PACSIN2: variants seen among roughly 807,000 people sequenced by gnomAD.
PACSIN2 encodes the protein protein kinase C and casein kinase substrate in neurons protein 2.
In PACSIN2, 25 loss-of-function variants were observed where a neutral mutation model predicts 63.8. That is an observed-to-expected ratio of 0.39 (90% CI 0.29 to 0.55). The LOEUF is 0.55. Among genes scored for constraint, PACSIN2 ranks in the 20% least tolerant of loss-of-function variants. The pLI is 0.62. For missense variants in PACSIN2, 518 were observed against 646.9 expected, an observed-to-expected ratio of 0.80 and a Z score of 2.16; for synonymous variants, 255 against 256.2, an observed-to-expected ratio of 1.00 and a Z score of 0.05.
Position 42,974,782 on chromosome 22 carries a change from AAGG to A in PACSIN2, c.-78+40236_-78+40238del, listed in dbSNP as rs1000791563. On this transcript the variant is annotated intron_variant, in intron 1 of 10. Coordinates refer to ENST00000263246, the MANE Select transcript of PACSIN2 (RefSeq NM_001184970.3). ...AAAAAAAAAGAAAAGAAAAGAGAAG[AAGG>A]AGGAGGAGGAGGAGGAGAGGAAGAA... 6.8e-3 allele frequency among the ~76,000 whole-genome samples: 976 copies of A among 142,830 alleles called. 8 individuals carry two copies. Among genetic ancestry groups the A allele is most frequent in the African/African-American group, 0.026 (854 of 33,196 alleles). 93.7% of individuals were successfully genotyped at this position (142,830 alleles called of 152,430 possible). A position where few individuals can be genotyped will look rare whatever the true frequency, so the allele number is the denominator to read the frequency against.
intron 1 of PACSIN2, among the ~76,000 whole-genome samples, chr22:42,997,441 C>T (rs1923483089): frequency 6.6e-6 from 1 of 151,888 alleles, no homozygotes; most frequent in African/African-American, 2.4e-5. Flanking sequence ...GCCTGTAGTC[C>T]CAGCTACCTG....
chr22:42,873,845 G>C lies in PACSIN2; in HGVS notation c.1348+2292C>G, dbSNP rs149604212. On this transcript the variant is annotated intron_variant, in intron 10 of 10. Coordinates refer to ENST00000263246, the MANE Select transcript of PACSIN2 (RefSeq NM_001184970.3). ...GTGTCACTCCATCACCCAGGCTGGAGTGCAGTGGTATGATCTCAGCTCACT... is the reference window on the plus strand; with the variant it reads ...GTGTCACTCCATCACCCAGGCTGGACTGCAGTGGTATGATCTCAGCTCACT... 8.4e-3 allele frequency among the ~76,000 whole-genome samples: 1,276 copies of C among 151,532 alleles called. 17 individuals carry two copies. Among genetic ancestry groups the C allele is most frequent in the African/African-American group, 0.03 (1,233 of 41,264 alleles).
intron 1 of PACSIN2, among the ~76,000 whole-genome samples, chr22:42,931,285 C>G (rs1932772841): frequency 6.6e-6 from 1 of 152,252 alleles, no homozygotes. Flanking sequence ...GTTACTTAAC[C>G]TTCCTGAACC....
At chr22:42,968,486 C>T (rs908404790) in intron 1 of PACSIN2, among the ~76,000 whole-genome samples, 2 of 152,060 alleles carry the variant, frequency 1.3e-5, no homozygotes, top group Non-Finnish European at 2.9e-5. Flanking sequence ...GCATTTGAAC[C>T]CTTATTCGAG....
At chr22:42,923,109 G>A (rs1206708892) in intron 1 of PACSIN2, among the ~76,000 whole-genome samples, 2 of 152,162 alleles carry the variant, frequency 1.3e-5, no homozygotes, top group African/African-American at 4.8e-5. Context: ...GACTAATCTG[G>A]CATCATAGAT....
intron 2 of PACSIN2, among the ~76,000 whole-genome samples, chr22:42,905,091 T>G (rs1455346398): frequency 6.6e-6 from 1 of 152,258 alleles, no homozygotes; most frequent in African/African-American, 2.4e-5. Context: ...TATCTTCATC[T>G]ACAGAAATGC....
At chr22:43,009,774 C>A (rs980352878) in intron 1 of PACSIN2, among the ~76,000 whole-genome samples, 1 of 152,114 alleles carries the variant, frequency 6.6e-6, no homozygotes, top group Non-Finnish European at 1.5e-5. Context: ...CATGCACTTT[C>A]CAAAGGTACA....
chr22:42,912,442 C>T (rs1931523496), intron 1 of PACSIN2, among the ~76,000 whole-genome samples: 1 of 152,242 alleles, frequency 6.6e-6, no homozygotes, highest in African/African-American at 2.4e-5. Context: ...CTCTACCTAA[C>T]TGGTAGGGCT....
chr22:42,946,092 A>G (rs900002535), intron 1 of PACSIN2, among the ~76,000 whole-genome samples: 5 of 152,236 alleles, frequency 3.3e-5, no homozygotes, highest in Admixed American at 3.3e-4. Context: ...CTCTGAACAA[A>G]TGCACAAATG....
At chr22:42,907,980 C>T (rs576402576) in intron 2 of PACSIN2, among the ~76,000 whole-genome samples, 1 of 152,218 alleles carries the variant, frequency 6.6e-6, no homozygotes, top group Non-Finnish European at 1.5e-5. Context: ...CTACAGGGAG[C>T]GCCTTCCTGG....
intron 1 of PACSIN2, among the ~76,000 whole-genome samples, chr22:42,926,286 G>A (rs1932529291): frequency 1.3e-5 from 2 of 152,164 alleles, no homozygotes; most frequent in Non-Finnish European, 2.9e-5. Context: ...ATCACACTGA[G>A]GCCTAGAGCT....
In PACSIN2 at chr22:42,877,375, G is replaced by T. The variant is rs1053839178; in HGVS notation, c.1029-365C>A. 4.6e-5 allele frequency among the ~76,000 whole-genome samples: 7 copies of T among 152,154 alleles called. No homozygotes were observed. The South Asian group carries it at 1.0e-3, about 23-fold the overall frequency. ...GACTCCCACCAATGTGAGCTGGGGG[G>T]GTCAAAAAGCCCCTCAGGGTCTCCT... On this transcript the variant is annotated intron_variant, in intron 8 of 10. Transcript: ENST00000263246.
At chr22:42,898,405 G>A (rs944996570) in intron 2 of PACSIN2, among the ~76,000 whole-genome samples, 1 of 151,960 alleles carries the variant, frequency 6.6e-6, no homozygotes, top group Admixed American at 6.6e-5. Flanking sequence ...ACGAGTAGCT[G>A]GGATTACAGA....
chr22:42,910,878 T>C (rs1931405626), intron 2 of PACSIN2, among the ~76,000 whole-genome samples: 2 of 152,052 alleles, frequency 1.3e-5, no homozygotes, highest in African/African-American at 2.4e-5. Context: ...ATCCCTTGCC[T>C]AGCACACTAC....
chr22:42,874,553 C>A (rs1374480624), intron 10 of PACSIN2, among the ~76,000 whole-genome samples: 2 of 152,222 alleles, frequency 1.3e-5, no homozygotes, highest in African/African-American at 4.8e-5. Flanking sequence ...AAGGCCCCAC[C>A]TGGCCCAGGG....
At chr22:42,896,877 A>T (rs1026530765) in intron 2 of PACSIN2, among the ~76,000 whole-genome samples, 1 of 152,242 alleles carries the variant, frequency 6.6e-6, no homozygotes, top group Admixed American at 6.5e-5. Flanking sequence ...AAGTCTAATA[A>T]TACTGAAAAT....
At chr22:42,885,530 C>T (rs1409152400) in intron 5 of PACSIN2, among the ~76,000 whole-genome samples, 11 of 152,144 alleles carry the variant, frequency 7.2e-5, no homozygotes, top group South Asian at 2.1e-4. Context: ...GAGCGCTTCC[C>T]GAGACACTGC....
rs144673224 is a variant in PACSIN2 at position 42,873,474 on chromosome 22, C to G, written c.1349-2005G>C. 1.4e-4 allele frequency among the ~76,000 whole-genome samples: 22 copies of G among 152,218 alleles called. No homozygotes were observed. The East Asian group carries it at 4.1e-3, about 28-fold the overall frequency. Reference sequence around the variant, plus strand: ...TGTCTGGGGACAGCAGGCTGGCACTCTGGGTGCTGAGGGGAGGAGGCTGAA... The same window carrying G: ...TGTCTGGGGACAGCAGGCTGGCACTGTGGGTGCTGAGGGGAGGAGGCTGAA... On this transcript the variant is annotated intron_variant, in intron 10 of 10. Coordinates refer to ENST00000263246, the MANE Select transcript of PACSIN2 (RefSeq NM_001184970.3).
chr22:42,974,128 G>C (rs898143863), intron 1 of PACSIN2, among the ~76,000 whole-genome samples: 4 of 152,202 alleles, frequency 2.6e-5, no homozygotes, highest in African/African-American at 9.7e-5. Context: ...GCAGCTCACT[G>C]TTGTCCTGAA....
Sources: allele counts gnomAD v4.1 joint callset (sites outside exome capture counted in the v4.1 genomes callset), GRCh38; gene constraint gnomAD v4.1.1; transcripts MANE v1.5; gene names NCBI Gene and HGNC (gene_info 2026-07-23, HGNC 2026-07-21).